The following PTPRK variants were observed in gnomAD, a reference collection of about 807,000 sequenced individuals.
The protein encoded by PTPRK is receptor-type tyrosine-protein phosphatase kappa.
A neutral mutation model predicts 178.0 loss-of-function variants in PTPRK; 75 were observed. That is an observed-to-expected ratio of 0.42 (90% CI 0.35 to 0.51). PTPRK has a LOEUF of 0.51. PTPRK is among the 20% of genes least tolerant of loss of function. The pLI is 0.02. For missense variants in PTPRK, 1,441 were observed against 1,797.8 expected (o/e 0.80, Z 3.59); for synonymous variants, 637 against 620.6 (o/e 1.03, Z -0.39).
intron 3 of PTPRK, among the ~76,000 whole-genome samples, chr6:128,298,623 T>A (rs1018208828): frequency 2.6e-5 from 4 of 152,098 alleles, no homozygotes; most frequent in Admixed American, 2.0e-4. Flanking sequence ...AAAAACCACA[T>A]GATTATCTCA....
intron 7 of PTPRK, among the ~76,000 whole-genome samples, chr6:128,160,190 C>T (rs1275295390): frequency 6.6e-6 from 1 of 151,576 alleles, no homozygotes. Context: ...CAAAAATGTA[C>T]AGTAATAGTG....
At chr6:128,050,820 C>T (rs1440303580) in intron 13 of PTPRK, among the ~76,000 whole-genome samples, 1 of 152,200 alleles carries the variant, frequency 6.6e-6, no homozygotes, top group Non-Finnish European at 1.5e-5. Flanking sequence ...GGATTACAGG[C>T]ACGAGTCATG....
intron 1 of PTPRK, among the ~76,000 whole-genome samples, chr6:128,415,782 GT>G (rs1842783385): frequency 6.6e-6 from 1 of 152,076 alleles, no homozygotes; most frequent in African/African-American, 2.4e-5. Flanking sequence ...ACAGTAATCT[GT>G]TTGAAACCAG....
At chr6:128,443,984 C>G (rs571641534) in intron 1 of PTPRK, among the ~76,000 whole-genome samples, 6 of 152,252 alleles carry the variant, frequency 3.9e-5, no homozygotes, top group Admixed American at 1.3e-4. Context: ...TCACGAGTAG[C>G]TGGGACTACA....
chr6:128,446,129 C>A (rs1037688657), intron 1 of PTPRK, among the ~76,000 whole-genome samples: 6 of 152,146 alleles, frequency 3.9e-5, no homozygotes, highest in African/African-American at 1.4e-4. Flanking sequence ...CACTAATGTT[C>A]TCAGATGTCT....
At chr6:128,509,772 A>C (rs1168230372) in intron 1 of PTPRK, among the ~76,000 whole-genome samples, 2 of 152,118 alleles carry the variant, frequency 1.3e-5, no homozygotes, top group Non-Finnish European at 2.9e-5. Flanking sequence ...CTGGAACATA[A>C]GTCCTCCTGT....
At chr6:128,289,324 T>C (rs1823003184) in intron 3 of PTPRK, among the ~76,000 whole-genome samples, 1 of 152,126 alleles carries the variant, frequency 6.6e-6, no homozygotes, top group Non-Finnish European at 1.5e-5. Flanking sequence ...TACTAAGATT[T>C]CAATCATTAT....
rs935409287 is a variant in PTPRK, at chr6:128,003,078, G to C, written c.2494+2006C>G. The C allele has an allele frequency of 4.3e-6, 4 of 927,730 alleles. No homozygotes were observed. In the African/African-American group the frequency reaches 6.6e-5, roughly 15 times the overall value. The allele number at this position is 927,730 out of a possible 1,614,324, so 57.5% of individuals were successfully genotyped here. A position where few individuals can be genotyped will look rare whatever the true frequency, so the allele number is the denominator to read the frequency against. Reference sequence around the variant, plus strand: ...CAGTTGCTCTCTTTGATAATACCATGGCTGTCTATTTTCAAAATCAAGCTG... The same window carrying C: ...CAGTTGCTCTCTTTGATAATACCATCGCTGTCTATTTTCAAAATCAAGCTG... On this transcript the variant is annotated intron_variant, in intron 15 of 29. Transcript: ENST00000368226.
intron 11 of PTPRK, among the ~76,000 whole-genome samples, chr6:128,069,887 G>A (rs1247255169): frequency 6.6e-6 from 1 of 152,200 alleles, no homozygotes; most frequent in South Asian, 2.1e-4. Context: ...AGTAAAGGAA[G>A]AAAAGGTGCA....
chr6:127,973,910 C>T (rs2114606503), intron 27 of PTPRK, 83 bp from the exon 28 acceptor site: 1 of 1,334,528 alleles, frequency 7.5e-7, no homozygotes, highest in South Asian at 1.4e-5. Flanking sequence ...ATTTACAATA[C>T]AAATGGCATC....
rs750423577 is a variant in PTPRK, at chr6:128,422,676, C to CAAAAAAAAAAAAAAAA, written c.101-25004_101-24989dup. ...AATAGTTTTTAACATTTCACGGACG[C>CAAAAAAAAAAAAAAAA]AAAAAAAAAAAAAAAAAAAAAAAAA... On this transcript the variant is annotated intron_variant, in intron 1 of 29. Transcript: ENST00000368226. Among the ~76,000 whole-genome samples the CAAAAAAAAAAAAAAAA allele has an allele frequency of 1.4e-4, 2 of 14,716 alleles. 1 individual carries two copies. The highest frequency in any genetic ancestry group is 3.3e-4 in the African/African-American group (2 of 6,038). 9.7% of individuals were successfully genotyped at this position (14,716 alleles called of 152,430 possible).
At chr6:128,238,523 G>C (rs901820520) in intron 5 of PTPRK, among the ~76,000 whole-genome samples, 4 of 152,136 alleles carry the variant, frequency 2.6e-5, no homozygotes, top group Admixed American at 6.5e-5. Flanking sequence ...AGAGCCTCTA[G>C]ATCTCCAAGA....
chr6:128,101,926 G>C (rs1788859068), intron 7 of PTPRK, among the ~76,000 whole-genome samples: 1 of 152,096 alleles, frequency 6.6e-6, no homozygotes, highest in Admixed American at 6.5e-5. Flanking sequence ...GTGACAGCTT[G>C]GTCAGGAAGT....
chr6:128,398,149 A>T (rs1308448860), intron 1 of PTPRK, among the ~76,000 whole-genome samples: 1 of 152,198 alleles, frequency 6.6e-6, no homozygotes, highest in Non-Finnish European at 1.5e-5. Flanking sequence ...CGCGAGCAGC[A>T]GCTCAAGGGA....
At chr6:128,454,465 C>A (rs748188815) in intron 1 of PTPRK, among the ~76,000 whole-genome samples, 24 of 152,106 alleles carry the variant, frequency 1.6e-4, no homozygotes, top group Non-Finnish European at 2.5e-4. Flanking sequence ...TTTATCAATA[C>A]CTTATTTAAA....
chr6:128,270,909 G>A (rs1472235187), intron 3 of PTPRK, among the ~76,000 whole-genome samples: 1 of 151,978 alleles, frequency 6.6e-6, no homozygotes, highest in Admixed American at 6.6e-5. Context: ...CTGCACATAT[G>A]CTGTATAAAA....
At chr6:127,994,356 T>C (rs1396350110) in intron 18 of PTPRK, among the ~76,000 whole-genome samples, 1 of 151,806 alleles carries the variant, frequency 6.6e-6, no homozygotes, top group Non-Finnish European at 1.5e-5. Context: ...TGTGAATCAA[T>C]TTAATTATAG....
intron 7 of PTPRK, among the ~76,000 whole-genome samples, chr6:128,175,338 T>C (rs556005049): frequency 3.3e-4 from 50 of 151,932 alleles, no homozygotes; most frequent in South Asian, 1.0e-3. Context: ...TATAATACTT[T>C]CAAAAAGTAG....
intron 7 of PTPRK, among the ~76,000 whole-genome samples, chr6:128,139,616 C>T (rs1273129105): frequency 1.3e-5 from 2 of 151,984 alleles, no homozygotes; most frequent in Non-Finnish European, 1.5e-5. Context: ...CCCCTTTTCT[C>T]TCCATCAATC....
Sources: allele counts gnomAD v4.1 joint callset (sites outside exome capture counted in the v4.1 genomes callset), GRCh38; gene constraint gnomAD v4.1.1; transcripts MANE v1.5; gene names NCBI Gene and HGNC (gene_info 2026-07-23, HGNC 2026-07-21).